DPP6: variants seen among roughly 807,000 people sequenced by gnomAD.
The protein encoded by DPP6 is dipeptidyl peptidase like 6, also known as A-type potassium channel modulatory protein DPP6.
Under a neutral mutation model 122.6 loss-of-function variants are expected in DPP6, and 69 were observed. That is an observed-to-expected ratio of 0.56 (90% CI 0.46 to 0.69). DPP6 has a LOEUF of 0.69. Among genes scored for constraint, DPP6 ranks in the 30% least tolerant of loss-of-function variants. The pLI, the probability that DPP6 is intolerant of heterozygous loss-of-function variation, is 0.00. For missense variants in DPP6, 928 were observed against 1,116.9 expected (o/e 0.83, Z 2.41); for synonymous variants, 418 against 433.1 (o/e 0.97, Z 0.43).
intron 1 of DPP6, chr7:154,059,383 G>A (rs1801338426): frequency 6.5e-6 from 1 of 153,680 alleles, no homozygotes; most frequent in Non-Finnish European, 1.4e-5. Flanking sequence ...GGAGGACTGT[G>A]GGTATTAGGT....
At chr7:154,777,570 G>A (rs753905756) in intron 10 of DPP6, among the ~76,000 whole-genome samples, 7 of 152,150 alleles carry the variant, frequency 4.6e-5, no homozygotes, top group Non-Finnish European at 7.3e-5. Flanking sequence ...AAACAAATGC[G>A]CTTGTTTTCT....
At chr7:154,485,231 A>G (rs1823683035) in intron 3 of DPP6, among the ~76,000 whole-genome samples, 2 of 152,318 alleles carry the variant, frequency 1.3e-5, no homozygotes, top group South Asian at 2.1e-4. Flanking sequence ...GTGTTTGGAG[A>G]GCATAACAGT....
At chr7:154,623,534 A>G (rs1188437334) in intron 5 of DPP6, among the ~76,000 whole-genome samples, 8 of 152,126 alleles carry the variant, frequency 5.3e-5, no homozygotes, top group Admixed American at 2.6e-4. Context: ...AGAGGATTTT[A>G]CAAACACACA....
chr7:154,324,867 A>ATTTAT (rs202168864), intron 1 of DPP6, among the ~76,000 whole-genome samples: 4 of 113,090 alleles, frequency 3.5e-5, no homozygotes, highest in African/African-American at 6.8e-5. Context: ...TCCTTTTGTT[A>ATTTAT]TTTTTTTTTT....
chr7:154,883,521 TGCTCACACAC>T (rs1805658557), intron 21 of DPP6: 2 of 104,956 alleles, frequency 1.9e-5, no homozygotes, highest in African/African-American at 3.9e-5. Flanking sequence ...CCCATACACA[TGCTCACACAC>T]GCTCACACAT....
At chr7:154,773,655 G>C (rs757321907) in intron 10 of DPP6, among the ~76,000 whole-genome samples, 1 of 152,156 alleles carries the variant, frequency 6.6e-6, no homozygotes, top group African/African-American at 2.4e-5. Flanking sequence ...ACCCACCCAA[G>C]TATAGATTCT....
At chr7:153,979,214 T>C (rs969696260) in intron 1 of DPP6, among the ~76,000 whole-genome samples, 5 of 152,196 alleles carry the variant, frequency 3.3e-5, no homozygotes, top group Non-Finnish European at 2.9e-5. Flanking sequence ...TCCTCTCTTA[T>C]TTCCTTGAGA....
At chr7:154,310,384 A>C (rs1052510253) in intron 1 of DPP6, among the ~76,000 whole-genome samples, 1 of 152,194 alleles carries the variant, frequency 6.6e-6, no homozygotes, top group Non-Finnish European at 1.5e-5. Flanking sequence ...TCACCAACTT[A>C]CTAAAAAGTG....
At chr7:154,062,156 G>GCT (rs1395949302) in intron 1 of DPP6, among the ~76,000 whole-genome samples, 3 of 102,944 alleles carry the variant, frequency 2.9e-5, no homozygotes, top group African/African-American at 7.1e-5. Context: ...TCCCCCACCG[G>GCT]CTTAGGACCC....
intron 8 of DPP6, among the ~76,000 whole-genome samples, chr7:154,763,355 G>GGAGA (rs5888592): frequency 6.8e-5 from 10 of 146,040 alleles, no homozygotes; most frequent in East Asian, 4.1e-4. Flanking sequence ...AAGGAAGGAA[G>GGAGA]GAGAGAGAGA....
intron 1 of DPP6, among the ~76,000 whole-genome samples, chr7:154,368,891 T>TA (rs1189491844): frequency 1.3e-5 from 2 of 152,158 alleles, no homozygotes; most frequent in East Asian, 3.9e-4. Context: ...CAAGCTGCAT[T>TA]TTTTTCCTAA....
chr7:154,796,888 G>A (rs1009281418), intron 12 of DPP6, among the ~76,000 whole-genome samples: 4 of 152,180 alleles, frequency 2.6e-5, no homozygotes, highest in African/African-American at 9.7e-5. Context: ...TCTGCTCTGT[G>A]TCAATCTTAT....
intron 1 of DPP6, among the ~76,000 whole-genome samples, chr7:153,976,191 T>C (rs1365107170): frequency 6.6e-6 from 1 of 152,000 alleles, no homozygotes; most frequent in Non-Finnish European, 1.5e-5. Context: ...AAGAAGTCTG[T>C]ATTGAAAGAA....
the DPP6 span, among the ~76,000 whole-genome samples, chr7:153,872,898 T>C: frequency 6.6e-6 from 1 of 152,268 alleles, no homozygotes; most frequent in Admixed American, 6.5e-5. Context: ...AATTGAACTT[T>C]TATTGTACCT....
intron 1 of DPP6, among the ~76,000 whole-genome samples, chr7:153,925,388 C>T (rs1445284077): frequency 5.4e-5 from 8 of 149,440 alleles, no homozygotes; most frequent in East Asian, 2.0e-4. Flanking sequence ...GAGATCATCC[C>T]GCATCGTGGA....
intron 7 of DPP6, among the ~76,000 whole-genome samples, chr7:154,679,712 T>A (rs910104456): frequency 1.3e-5 from 2 of 152,234 alleles, no homozygotes; most frequent in Non-Finnish European, 2.9e-5. Flanking sequence ...TAATAACTTA[T>A]AAAAGCCTCT....
chr7:154,873,736 G>A (rs1804579747), intron 19 of DPP6, among the ~76,000 whole-genome samples: 1 of 152,164 alleles, frequency 6.6e-6, no homozygotes, highest in African/African-American at 2.4e-5. Flanking sequence ...TCACCCACAT[G>A]CAGACACACG....
At chr7:154,293,132 G>A (rs781473540) in intron 1 of DPP6, among the ~76,000 whole-genome samples, 1 of 151,954 alleles carries the variant, frequency 6.6e-6, no homozygotes, top group Non-Finnish European at 1.5e-5. Context: ...ATAGGCTGAG[G>A]TCTATTTCCT....
the DPP6 span, among the ~76,000 whole-genome samples, chr7:153,810,667 CTCTCCTCTCTCT>C: frequency 7.2e-6 from 1 of 138,096 alleles, no homozygotes; most frequent in Non-Finnish European, 1.5e-5. Flanking sequence ...TCTCCTCTCT[CTCTCCTCTCTCT>C]CTCTCTCTCT....
Sources: allele counts gnomAD v4.1 joint callset (sites outside exome capture counted in the v4.1 genomes callset), GRCh38; gene constraint gnomAD v4.1.1; transcripts MANE v1.5; gene names NCBI Gene and HGNC (gene_info 2026-07-23, HGNC 2026-07-21).